SGCZ: variants seen among roughly 807,000 people sequenced by gnomAD.
The protein encoded by SGCZ is sarcoglycan zeta.
SGCZ carries 40 observed loss-of-function variants against 41.3 expected under a neutral mutation model. The observed-to-expected ratio is 0.97, with a 90% CI of 0.75 to 1.26. SGCZ has a LOEUF of 1.26. SGCZ is among the 50% of genes most tolerant of loss of function. SGCZ has a pLI of 0.00. For missense variants in SGCZ, 552 were observed against 369.8 expected (o/e 1.49, Z -4.04); for synonymous variants, 206 against 137.5 (o/e 1.50, Z -3.49).
chr8:14,917,839 T>C (rs1799483062), intron 1 of SGCZ, among the ~76,000 whole-genome samples: 1 of 152,168 alleles, frequency 6.6e-6, no homozygotes, highest in Non-Finnish European at 1.5e-5. Flanking sequence ...ACATCATTAA[T>C]TAGGAGGTTA....
chr8:15,115,443 G>A (rs561407848), intron 1 of SGCZ, among the ~76,000 whole-genome samples: 5 of 152,232 alleles, frequency 3.3e-5, no homozygotes, highest in East Asian at 1.9e-4. Flanking sequence ...ATGGAAACAC[G>A]GTTTGCCTCC....
At chr8:14,316,672 T>C (rs897286804) in intron 3 of SGCZ, among the ~76,000 whole-genome samples, 10 of 152,024 alleles carry the variant, frequency 6.6e-5, no homozygotes, top group Non-Finnish European at 1.2e-4. Flanking sequence ...CTGGCCTTTG[T>C]GTCTTAGACT....
chr8:14,131,327 T>C (rs1285677097), intron 5 of SGCZ, among the ~76,000 whole-genome samples: 3 of 152,184 alleles, frequency 2.0e-5, no homozygotes, highest in Admixed American at 2.0e-4. Context: ...GGACTTCTTG[T>C]AGACAGGTAA....
intron 2 of SGCZ, among the ~76,000 whole-genome samples, chr8:14,386,925 G>C (rs188776589): frequency 3.3e-5 from 5 of 152,208 alleles, no homozygotes; most frequent in Admixed American, 3.3e-4. Context: ...AGTTCATATT[G>C]TTTAATAATA....
chr8:15,117,753 T>C (rs1030701264), intron 1 of SGCZ, among the ~76,000 whole-genome samples: 5 of 152,224 alleles, frequency 3.3e-5, no homozygotes, highest in Non-Finnish European at 4.4e-5. Flanking sequence ...AAGTTGATAA[T>C]TTAACCACTC....
intron 1 of SGCZ, among the ~76,000 whole-genome samples, chr8:14,650,434 G>C (rs1043043724): frequency 6.6e-6 from 1 of 152,072 alleles, no homozygotes; most frequent in East Asian, 1.9e-4. Context: ...TTGTTGTACA[G>C]ATTGTTTCAT....
At chr8:14,993,359 A>G (rs770230579) in intron 1 of SGCZ, among the ~76,000 whole-genome samples, 1 of 152,172 alleles carries the variant, frequency 6.6e-6, no homozygotes, top group East Asian at 1.9e-4. Flanking sequence ...ACCACAGGCT[A>G]TTCTAGGAAT....
intron 1 of SGCZ, among the ~76,000 whole-genome samples, chr8:14,707,973 C>A (rs1809385600): frequency 2.6e-5 from 4 of 151,878 alleles, no homozygotes; most frequent in Non-Finnish European, 5.9e-5. Flanking sequence ...CTATAATTAA[C>A]AAACATGTAG....
At chr8:14,579,261 A>G (rs1336437099) in intron 1 of SGCZ, among the ~76,000 whole-genome samples, 1 of 152,220 alleles carries the variant, frequency 6.6e-6, no homozygotes, top group Non-Finnish European at 1.5e-5. Flanking sequence ...ATCAAGATAC[A>G]AAGGAACAAG....
intron 2 of SGCZ, among the ~76,000 whole-genome samples, chr8:14,470,962 A>G (rs933669875): frequency 1.3e-5 from 2 of 152,158 alleles, no homozygotes; most frequent in Non-Finnish European, 2.9e-5. Context: ...TCATCACTTC[A>G]TCAGTACCAG....
intron 1 of SGCZ, among the ~76,000 whole-genome samples, chr8:15,214,534 G>C (rs1183847221): frequency 6.6e-6 from 1 of 152,064 alleles, no homozygotes; most frequent in East Asian, 1.9e-4. Flanking sequence ...CAAAGTTAGA[G>C]TTGAAATCTG....
At chr8:14,826,438 G>A (rs1802320486) in intron 1 of SGCZ, among the ~76,000 whole-genome samples, 1 of 151,996 alleles carries the variant, frequency 6.6e-6, no homozygotes, top group African/African-American at 2.4e-5. Context: ...TAATCCTTTG[G>A]GGATATACCC....
chr8:15,108,285 A>C (rs541961484), intron 1 of SGCZ, among the ~76,000 whole-genome samples: 1 of 152,288 alleles, frequency 6.6e-6, no homozygotes, highest in South Asian at 2.1e-4. Flanking sequence ...TTTTTAGGAC[A>C]GTACACTCAG....
At chr8:15,069,469 C>A (rs1293601280) in intron 1 of SGCZ, among the ~76,000 whole-genome samples, 2 of 152,162 alleles carry the variant, frequency 1.3e-5, no homozygotes, top group African/African-American at 2.4e-5. Flanking sequence ...TTTTCAAGAT[C>A]TTATAGCAGT....
intron 7 of SGCZ, among the ~76,000 whole-genome samples, chr8:14,092,954 C>G (rs1263518974): frequency 2.0e-5 from 3 of 152,112 alleles, no homozygotes; most frequent in Middle Eastern, 3.4e-3. Flanking sequence ...GCTAAATCTT[C>G]TAACTTGGAA....
At chr8:15,038,392 T>A (rs1342950423) in intron 1 of SGCZ, among the ~76,000 whole-genome samples, 3 of 152,018 alleles carry the variant, frequency 2.0e-5, no homozygotes, top group Non-Finnish European at 4.4e-5. Context: ...TTGTGATGAC[T>A]GAAAATCCAC....
intron 2 of SGCZ, among the ~76,000 whole-genome samples, chr8:14,505,635 C>T (rs1350303419): frequency 1.3e-5 from 2 of 152,146 alleles, no homozygotes; most frequent in Non-Finnish European, 2.9e-5. Flanking sequence ...TCTTCATCTA[C>T]AATTGTTCTC....
chr8:14,261,200 C>T (rs114367752), intron 3 of SGCZ, among the ~76,000 whole-genome samples: 3,359 of 152,214 alleles, frequency 0.022, 46 homozygotes, highest in Middle Eastern at 0.054. Flanking sequence ...ACTTTCTTTC[C>T]CTTGCCTCTT....
At chr8:14,234,599 C>G (rs1806689935) in intron 4 of SGCZ, among the ~76,000 whole-genome samples, 1 of 151,866 alleles carries the variant, frequency 6.6e-6, no homozygotes, top group African/African-American at 2.4e-5. Context: ...AGTTTGTGTG[C>G]TAATTTTTTT....
Sources: allele counts gnomAD v4.1 joint callset (sites outside exome capture counted in the v4.1 genomes callset), GRCh38; gene constraint gnomAD v4.1.1; transcripts MANE v1.5; gene names NCBI Gene and HGNC (gene_info 2026-07-23, HGNC 2026-07-21).